Variants in SERHL2 observed in about 807,000 individuals in gnomAD.
SERHL2 encodes the protein serine hydrolase like 2, also known as serine hydrolase-like protein 2.
Under a neutral mutation model 25.5 loss-of-function variants are expected in SERHL2, and 29 were observed. The observed-to-expected ratio is 1.14, with a 90% confidence interval of 0.85 to 1.55. The LOEUF is 1.55. Ranked by LOEUF, SERHL2 falls within the 40% of genes most tolerant of loss-of-function variation. The pLI, the probability that SERHL2 is intolerant of heterozygous loss-of-function variation, is 0.00. For missense variants in SERHL2, 240 were observed against 252.3 expected (o/e 0.95, Z 0.33); for synonymous variants, 95 against 103.5 (o/e 0.92, Z 0.50).
chr22:42,567,881 C>A (rs1923628523), intron 9 of SERHL2, among the ~76,000 whole-genome samples: 1 of 151,394 alleles, frequency 6.6e-6, no homozygotes, highest in Non-Finnish European at 1.5e-5. Context: ...AGGCACCCAC[C>A]ACCACACCTG....
intron 9 of SERHL2, among the ~76,000 whole-genome samples, chr22:42,567,769 T>C (rs1360612402): frequency 6.6e-6 from 1 of 151,388 alleles, no homozygotes; most frequent in African/African-American, 2.4e-5. Flanking sequence ...TCGCTCTTGT[T>C]GCAAAGGCTG....
At chr22:42,566,128 G>A (rs1284906266) in intron 8 of SERHL2, among the ~76,000 whole-genome samples, 176 bp from the exon 9 acceptor site, 4 of 152,070 alleles carry the variant, frequency 2.6e-5, no homozygotes, top group Admixed American at 6.5e-5. Flanking sequence ...CTGTGGTCTA[G>A]CCCTGCTCCA....
At chr22:42,570,554 C>T (rs1379165358) in intron 9 of SERHL2, among the ~76,000 whole-genome samples, 1 of 152,206 alleles carries the variant, frequency 6.6e-6, no homozygotes, top group African/African-American at 2.4e-5. Context: ...ACACCTACAG[C>T]ACATCTCACT....
chr22:42,569,686 A>AT (rs1171886838), intron 9 of SERHL2: 1 of 151,940 alleles, frequency 6.6e-6, no homozygotes, highest in Non-Finnish European at 1.5e-5. Flanking sequence ...CAGCTGACAT[A>AT]TGAGAACACG....
intron 8 of SERHL2, among the ~76,000 whole-genome samples, chr22:42,563,652 A>T (rs1922980985): frequency 6.6e-6 from 1 of 151,972 alleles, no homozygotes; most frequent in Non-Finnish European, 1.5e-5. Flanking sequence ...AACATTTGGC[A>T]TGGGGGGAAT....
chr22:42,571,166 T>G lies in SERHL2; in HGVS notation c.694T>G (p.Ser232Ala), dbSNP rs374456752. The G allele has an allele frequency of 9.9e-6, 16 of 1,613,426 alleles. No individual in the cohort carries two copies. In the African/African-American group the frequency reaches 2.1e-4, roughly 22 times the overall value. The part of the protein sequence containing the change: ...DFISRELCAH[S>A]IRKLQAHVLL... ...CATCAGCAGGGAGCTGTGTGCGCAT[T>G]CCATCAGGAAGCTGCAGGCCCATGT... The change falls in exon 10 of 12, where the codon TCC becomes GCC. Residue 232 changes from serine to alanine, a missense_variant. Physicochemically the swap from Ser to Ala is moderately conservative, Grantham distance 99. Around this residue, in one of 4 missense-constraint regions of SERHL2, gnomAD observed 212 missense variants for 168.9 expected, o/e 1.25. Coordinates refer to ENST00000327678, the MANE Select transcript of SERHL2 (RefSeq NM_014509.5).
At chr22:42,567,693 A>T (rs117089799) in intron 9 of SERHL2, among the ~76,000 whole-genome samples, 17,673 of 151,028 alleles carry the variant, frequency 0.12, 1,291 homozygotes, top group Admixed American at 0.18. Flanking sequence ...AATAAATAAA[A>T]AAAATAAAAG....
At chr22:42,554,234 G>C (rs868637471) in intron 1 of SERHL2, among the ~76,000 whole-genome samples, 192 bp downstream of exon 1, 2 of 152,166 alleles carry the variant, frequency 1.3e-5, no homozygotes, top group East Asian at 3.9e-4. Flanking sequence ...ACGGCCGCAC[G>C]TGGCCTCCCA....
Position 42,560,169 on chromosome 22 carries a change from C to A in SERHL2, c.534-17C>A, listed in dbSNP as rs763548728. The A allele has an allele frequency of 5.0e-6, 8 of 1,603,966 alleles. No individual in the cohort carries two copies. The highest frequency in any genetic ancestry group is 6.8e-6 in the Non-Finnish European group (8 of 1,171,192). On this transcript the variant is annotated splice_polypyrimidine_tract_variant and intron_variant, in intron 7 of 11. Transcript: ENST00000327678. Reference sequence around the variant, plus strand: ...TATTGGCCTCCAGGCACCCAGCATCCTTCTGTCTCCCCCCAGGTTACTGAA... The same window carrying A: ...TATTGGCCTCCAGGCACCCAGCATCATTCTGTCTCCCCCCAGGTTACTGAA...
At chr22:42,570,443 T>C (rs1052891266) in intron 9 of SERHL2, among the ~76,000 whole-genome samples, 11 of 151,438 alleles carry the variant, frequency 7.3e-5, no homozygotes, top group Non-Finnish European at 1.2e-4. Context: ...CTAACAATTG[T>C]TCTCATATTT....
At chr22:42,568,793 T>C (rs1923757562) in intron 9 of SERHL2, among the ~76,000 whole-genome samples, 1 of 152,074 alleles carries the variant, frequency 6.6e-6, no homozygotes, top group African/African-American at 2.4e-5. Context: ...GGTGAAACCC[T>C]GTCTCTACCA....
intron 11 of SERHL2, 199 bp downstream of exon 11, chr22:42,572,728 AAC>A: frequency 1.0e-6 from 1 of 984,682 alleles, no homozygotes; most frequent in South Asian, 4.7e-5. Flanking sequence ...GAATTAAGGA[AAC>A]AGAGACCTTT....
intron 9 of SERHL2, among the ~76,000 whole-genome samples, chr22:42,567,233 G>C (rs1211567371): frequency 1.3e-5 from 2 of 152,092 alleles, no homozygotes; most frequent in East Asian, 1.9e-4. Flanking sequence ...GCCAAGAGAT[G>C]AGGCTTGGAC....
At chr22:42,567,361 T>G (rs1923535415) in intron 9 of SERHL2, among the ~76,000 whole-genome samples, 1 of 152,008 alleles carries the variant, frequency 6.6e-6, no homozygotes, top group South Asian at 2.1e-4. Flanking sequence ...TTCTTTTTTG[T>G]GTTTTAAAAG....
rs777554001 is a variant in SERHL2, at chr22:42,556,589, G to C, written c.423+1G>C. 24 of 1,598,274 alleles carry C rather than the reference G, an allele frequency of 1.5e-5. No homozygotes were observed. Among genetic ancestry groups the C allele is most frequent in the African/African-American group, 2.7e-5 (2 of 74,070 alleles). On this transcript the variant is annotated splice_donor_variant, in intron 6 of 11. Coordinates refer to ENST00000327678, the MANE Select transcript of SERHL2 (RefSeq NM_014509.5). LOFTEE classifies it high-confidence loss of function. The stretch of plus-strand genomic sequence containing the variant: ...GCCGCTCTTTCTCCTGGAATCAGAT[G>C]TGAGAAGCGGGCTTTCGTGCATGCT...
At chr22:42,563,862 T>C (rs1295831101) in intron 8 of SERHL2, among the ~76,000 whole-genome samples, 1 of 151,784 alleles carries the variant, frequency 6.6e-6, no homozygotes, top group Non-Finnish European at 1.5e-5. Flanking sequence ...TCACCTGATG[T>C]TGGGAGTTCG....
In SERHL2 at chr22:42,571,663, A is replaced by G. The variant is rs987553867; in HGVS notation, c.731+460A>G. On this transcript the variant is annotated intron_variant, in intron 10 of 11. Transcript: ENST00000327678. ...CTGCTCTCCATCTCCTGACCTCATG[A>G]TCCGCCCGCCTCGGCCTCCCAGTGT... is the stretch of plus-strand genomic sequence containing the variant. The G allele has an allele frequency of 2.1e-5, 4 of 187,364 alleles. 1 individual carries two copies. The Admixed American group carries it at 2.2e-4, about 10-fold the overall frequency. 11.6% of individuals were successfully genotyped at this position (187,364 alleles called of 1,614,324 possible). A position where few individuals can be genotyped will look rare whatever the true frequency, so the allele number is the denominator to read the frequency against.
intron 11 of SERHL2, chr22:42,573,587 A>C: frequency 4.1e-6 from 1 of 246,084 alleles, no homozygotes; most frequent in Non-Finnish European, 7.9e-6. Flanking sequence ...GGCAGACACA[A>C]GTCTGCAGGC....
At chr22:42,562,222 C>T (rs376913779) in intron 8 of SERHL2, among the ~76,000 whole-genome samples, 3 of 151,970 alleles carry the variant, frequency 2.0e-5, no homozygotes, top group African/African-American at 4.8e-5. Context: ...ATGTAGGTTC[C>T]TCCCAAATGC....
Sources: allele counts gnomAD v4.1 joint callset (sites outside exome capture counted in the v4.1 genomes callset), GRCh38; gene constraint gnomAD v4.1.1; regional missense constraint gnomAD v4.1.1; transcripts MANE v1.5; gene names NCBI Gene and HGNC (gene_info 2026-07-23, HGNC 2026-07-21).